OR10H5: variants seen among roughly 807,000 people sequenced by gnomAD.
The protein encoded by OR10H5 is olfactory receptor 10H5.
OR10H5 carries 7 observed loss-of-function variants against 12.2 expected under a neutral mutation model. That is an observed-to-expected ratio of 0.57 (90% CI 0.33 to 1.07). The LOEUF is 1.07. Ranked by LOEUF, OR10H5 falls within the 50% of genes least tolerant of loss-of-function variation. The pLI is 0.04. For synonymous variants in OR10H5, 159 were observed against 175.1 expected (o/e 0.91, Z 0.73); for missense variants, 346 against 411.6 (o/e 0.84, Z 1.38).
At chr19:15,787,981 A>C (rs2144924631) in intron 1 of OR10H5, among the ~76,000 whole-genome samples, 1 of 152,244 alleles carries the variant, frequency 6.6e-6, no homozygotes, top group African/African-American at 2.4e-5. Context: ...CCCTTTCCAC[A>C]GCAGTCGTGG....
chr19:15,792,238 T>G (rs1205491611), intron 1 of OR10H5, among the ~76,000 whole-genome samples: 1 of 152,178 alleles, frequency 6.6e-6, no homozygotes, highest in East Asian at 1.9e-4. Flanking sequence ...TAATTTTCCT[T>G]TTATTCTAAA....
At chr19:15,793,124 T>TA (rs2088816692) in intron 1 of OR10H5, among the ~76,000 whole-genome samples, 1 of 152,166 alleles carries the variant, frequency 6.6e-6, no homozygotes, top group East Asian at 1.9e-4. Flanking sequence ...TTTTTGTTTT[T>TA]GTTTTTGTTT....
rs906870948 is a variant in OR10H5 at position 15,799,456 on chromosome 19, T to G, written c.*4460T>G. 3 of 152,022 alleles carry G rather than the reference T, an allele frequency of 2.0e-5. No individual in the cohort carries two copies. The highest frequency in any genetic ancestry group is 4.4e-5 in the Non-Finnish European group (3 of 68,008). 9.4% of individuals were successfully genotyped at this position (152,022 alleles called of 1,614,324 possible). A position where few individuals can be genotyped will look rare whatever the true frequency, so the allele number is the denominator to read the frequency against. ...GTAGAAATAATCAGTTTTCTTGCAT[T>G]TTTTCCCTCGAAAGACTAAAAAATG... On this transcript the variant is annotated 3_prime_UTR_variant, in exon 2 of 2. Coordinates refer to ENST00000642092, the MANE Select transcript of OR10H5 (RefSeq NM_001004466.2).
intron 1 of OR10H5, among the ~76,000 whole-genome samples, chr19:15,789,959 A>G (rs1021159541): frequency 6.6e-6 from 1 of 151,402 alleles, no homozygotes; most frequent in Non-Finnish European, 1.5e-5. Flanking sequence ...TTTAAAAACA[A>G]TTTTTTTGGT....
At position 15,800,302 on chromosome 19, in the gene OR10H5, T is replaced by C. The variant is rs1352918181; in HGVS notation, c.*5306T>C. The stretch of plus-strand genomic sequence containing the variant: ...TGGTTCAACCCTGTCTTCCCAGTGG[T>C]GCCTAGAAAAATGCCTGGTACACAG... On this transcript the variant is annotated 3_prime_UTR_variant, in exon 2 of 2. Coordinates refer to ENST00000642092, the MANE Select transcript of OR10H5 (RefSeq NM_001004466.2). The C allele has an allele frequency of 1.3e-5, 2 of 152,138 alleles. No individual in the cohort carries two copies. The highest frequency in any genetic ancestry group is 4.8e-5 in the African/African-American group (2 of 41,438). 9.4% of individuals were successfully genotyped at this position (152,138 alleles called of 1,614,324 possible). A position where few individuals can be genotyped will look rare whatever the true frequency, so the allele number is the denominator to read the frequency against.
Position 15,795,248 on chromosome 19 carries a change from T to G in OR10H5, c.*252T>G. 2.0e-6 allele frequency: 1 copy of G among 489,452 alleles called. No individual in the cohort carries two copies. 30.3% of individuals were successfully genotyped at this position (489,452 alleles called of 1,614,324 possible). On this transcript the variant is annotated 3_prime_UTR_variant, in exon 2 of 2. Coordinates refer to ENST00000642092, the MANE Select transcript of OR10H5 (RefSeq NM_001004466.2). ...CCTTCTTCTCTGCCTACTTCCCTCTTTCCCTTCTCTCTGTCTCTTTCTGTT... is the reference window on the plus strand; with the variant it reads ...CCTTCTTCTCTGCCTACTTCCCTCTGTCCCTTCTCTCTGTCTCTTTCTGTT...
intron 1 of OR10H5, among the ~76,000 whole-genome samples, chr19:15,790,130 G>A (rs2088803010): frequency 6.6e-6 from 1 of 152,118 alleles, no homozygotes; most frequent in South Asian, 2.1e-4. Context: ...TAGGAGCAGG[G>A]ACCTTGGAGC....
chr19:15,788,000 G>T (rs1467321324), intron 1 of OR10H5, among the ~76,000 whole-genome samples: 1 of 152,134 alleles, frequency 6.6e-6, no homozygotes, highest in Admixed American at 6.6e-5. Context: ...GGCCACCAGG[G>T]TCCATGCTGG....
In OR10H5 at chr19:15,795,273, T is replaced by G; in HGVS notation, c.*277T>G. The G allele has an allele frequency of 2.1e-6, 1 of 465,768 alleles. No homozygotes were observed. The highest frequency in any genetic ancestry group is 4.0e-5 in the East Asian group (1 of 25,306). 28.9% of individuals were successfully genotyped at this position (465,768 alleles called of 1,614,324 possible). On this transcript the variant is annotated 3_prime_UTR_variant, in exon 2 of 2. Coordinates refer to ENST00000642092, the MANE Select transcript of OR10H5 (RefSeq NM_001004466.2). ...TTCCCTTCTCTCTGTCTCTTTCTGT[T>G]TCTATACCTCTCTGTCTCTGTCACT...
At position 15,794,305 on chromosome 19, in the gene OR10H5, T is replaced by C. The variant is rs139928028; in HGVS notation, c.257T>C (p.Leu86Pro). Residue 86 changes from leucine to proline, a missense_variant, in exon 2 of 2, where the codon CTG becomes CCG. Transcript: ENST00000642092. ...AIIPRMLADL[L>P]STQRSIAFLA... The stretch of plus-strand genomic sequence containing the variant: ...ATCCCGCGCATGCTGGCCGACCTGC[T>C]GTCCACCCAGCGCTCCATCGCCTTC... The C allele has an allele frequency of 3.7e-4, 598 of 1,614,136 alleles. 2 individuals carry two copies. The African/African-American group carries it at 7.1e-3, about 19-fold the overall frequency.
intron 1 of OR10H5, among the ~76,000 whole-genome samples, chr19:15,792,490 G>A (rs2088813902): frequency 6.6e-6 from 1 of 152,136 alleles, no homozygotes; most frequent in Admixed American, 6.6e-5. Context: ...TTTTGAGACA[G>A]GGTCTCACTG....
intron 1 of OR10H5, among the ~76,000 whole-genome samples, chr19:15,791,660 C>A (rs898618580): frequency 1.3e-5 from 2 of 151,892 alleles, no homozygotes; most frequent in Admixed American, 6.6e-5. Context: ...CCATTTTGTT[C>A]AAAGTGTATC....
intron 1 of OR10H5, 73 bp from the exon 2 acceptor site, chr19:15,793,965 C>T (rs2088821564): frequency 2.3e-6 from 3 of 1,306,574 alleles, no homozygotes; most frequent in African/African-American, 2.9e-5. Flanking sequence ...CTCAGATGTC[C>T]TCCCAGGTGG....
intron 1 of OR10H5, among the ~76,000 whole-genome samples, chr19:15,789,849 ATG>A (rs2088801709): frequency 1.3e-5 from 2 of 149,334 alleles, no homozygotes; most frequent in African/African-American, 2.5e-5. Flanking sequence ...TGGCATGAAC[ATG>A]GCTCACTGCA....
Position 15,794,269 on chromosome 19 carries a change from C to T in OR10H5, c.221C>T (p.Thr74Ile). 2 of 1,614,164 alleles carry T rather than the reference C, an allele frequency of 1.2e-6. No individual in the cohort carries two copies. Among genetic ancestry groups the T allele is most frequent in the Non-Finnish European group, 1.7e-6 (2 of 1,179,988 alleles). Residue 74 changes from threonine (T) to isoleucine (I), a missense_variant, in exon 2 of 2, where the codon ACC (threonine) becomes ATC (isoleucine). By Grantham distance (89) the Thr-to-Ile change is moderately conservative (BLOSUM62 -1). Transcript: ENST00000642092. ...CTCTCCATCACCGAGATCCTCTACA[C>T]CGTGGCCATCATCCCGCGCATGCTG... ...CALSITEILY[T>I]VAIIPRMLAD... is the part of the protein sequence containing the mutation.
rs550800255 is a variant in OR10H5 at position 15,794,064 on chromosome 19, C to A, written c.16C>A (p.His6Asn). 4.3e-6 allele frequency: 7 copies of A among 1,613,538 alleles called. No individual in the cohort carries two copies. In the African/African-American group the frequency reaches 9.3e-5, roughly 22 times the overall value. The change falls in exon 2 of 2, where the codon CAC becomes AAC. Residue 6 changes from histidine to asparagine, a missense_variant. By Grantham distance (68) the His-to-Asn change is moderately conservative. Coordinates refer to ENST00000642092, the MANE Select transcript of OR10H5 (RefSeq NM_001004466.2). MQGLNHTSVSEFILVG... is the reference protein window; with the variant it reads MQGLNNTSVSEFILVG... The stretch of plus-strand genomic sequence containing the variant: ...GGTGGCCGCCATGCAGGGGCTAAAC[C>A]ACACCTCCGTGTCTGAATTCATCCT...
rs2088830366 is a variant in OR10H5, at chr19:15,794,753, GAACA to G, written c.707_710del (p.Asn236ArgfsTer25). 2 of 1,613,362 alleles carry G rather than the reference GAACA, an allele frequency of 1.2e-6. No homozygotes were observed. Among genetic ancestry groups the G allele is most frequent in the South Asian group, 2.2e-5 (2 of 91,064 alleles). On this transcript the variant is annotated frameshift_variant, in exon 2 of 2. Coordinates refer to ENST00000642092, the MANE Select transcript of OR10H5 (RefSeq NM_001004466.2). LOFTEE classifies it high-confidence loss of function. ...TGAAGATCCCTTCTGCTGAAGGTCG[GAACA>G]AGGCCTTCTCCACCTGTGCCTCTCA... is the stretch of plus-strand genomic sequence containing the variant.
At chr19:15,788,419 T>C (rs1246713172) in intron 1 of OR10H5, among the ~76,000 whole-genome samples, 1 of 152,150 alleles carries the variant, frequency 6.6e-6, no homozygotes, top group East Asian at 1.9e-4. Context: ...TTTTCCTCTG[T>C]GTGTCCTCCC....
intron 1 of OR10H5, 30 bp from the exon 2 acceptor site, chr19:15,794,008 T>G (rs989087239): frequency 6.4e-7 from 1 of 1,567,292 alleles, no homozygotes; most frequent in African/African-American, 1.3e-5. Context: ...TCCTAACCAC[T>G]GGGTCTTCTT....
Sources: allele counts gnomAD v4.1 joint callset (sites outside exome capture counted in the v4.1 genomes callset), GRCh38; gene constraint gnomAD v4.1.1; transcripts MANE v1.5; gene names NCBI Gene and HGNC (gene_info 2026-07-23, HGNC 2026-07-21).